VASH2: variants seen among roughly 807,000 people sequenced by gnomAD.
The protein encoded by VASH2 is tubulinyl-Tyr carboxypeptidase 2.
A neutral mutation model predicts 37.2 loss-of-function variants in VASH2; 28 were observed. That is an observed-to-expected ratio of 0.75 (90% CI 0.56 to 1.03). The LOEUF (loss-of-function observed/expected upper bound fraction) is 1.03. VASH2 is among the 50% of genes least tolerant of loss of function. The pLI, the probability that VASH2 is intolerant of heterozygous loss-of-function variation, is 0.00. For missense variants in VASH2, 419 were observed against 459.1 expected (o/e 0.91, Z 0.80); for synonymous variants, 188 against 174.7 (o/e 1.08, Z -0.60).
chr1:212,973,350 C>T (rs1667068294), intron 6 of VASH2: 1 of 1,263,688 alleles, frequency 7.9e-7, no homozygotes, highest in Non-Finnish European at 1.0e-6. Context: ...ATAGACTATA[C>T]TCATACGTCC....
Position 212,974,053 on chromosome 1 carries a change from C to G in VASH2, c.978C>G (p.Leu326=), listed in dbSNP as rs569261376. The G allele has an allele frequency of 1.9e-6, 3 of 1,613,062 alleles. No homozygotes were observed. Among genetic ancestry groups the G allele is most frequent in the Non-Finnish European group, 2.5e-6 (3 of 1,179,442 alleles). Residue 326 remains leucine, a synonymous_variant, in exon 7 of 8, where the codon CTC becomes CTG. Coordinates refer to ENST00000517399, the MANE Select transcript of VASH2 (RefSeq NM_001301056.2). ...GACAGGCAAGCCCCCCGAGGAGGCT[C>G]GGCCGGCGAGAGAAGTCGTGAGTAA... The part of the protein sequence containing the change: ...RRRQASPPRR[L]GRREKSPALP...
chr1:212,975,131 T>C (rs957397492), intron 7 of VASH2, among the ~76,000 whole-genome samples: 1 of 151,790 alleles, frequency 6.6e-6, no homozygotes, highest in African/African-American at 2.4e-5. Context: ...TGTAGTAAGT[T>C]CTGTAGCTGG....
chr1:212,966,825 T>G, intron 5 of VASH2: 1 of 343,288 alleles, frequency 2.9e-6, no homozygotes. Flanking sequence ...CCTCCCAGGC[T>G]CAAGTGACCT....
At chr1:212,963,315 C>T (rs1023655885) in intron 3 of VASH2, among the ~76,000 whole-genome samples, 1 of 152,188 alleles carries the variant, frequency 6.6e-6, no homozygotes, top group African/African-American at 2.4e-5. Context: ...GCTGCGGGGA[C>T]CTGCTCCCAG....
intron 5 of VASH2, among the ~76,000 whole-genome samples, chr1:212,969,634 C>T (rs1169212705): frequency 6.6e-6 from 1 of 152,234 alleles, no homozygotes; most frequent in Non-Finnish European, 1.5e-5. Context: ...CTCCTGACCT[C>T]AGGTGATCTG....
chr1:212,957,617 CTTTT>C (rs1056304168), intron 2 of VASH2, among the ~76,000 whole-genome samples: 6 of 137,428 alleles, frequency 4.4e-5, no homozygotes, highest in Non-Finnish European at 6.2e-5. Flanking sequence ...ACAGCTTACA[CTTTT>C]TTTTTTTTTT....
chr1:212,970,961 C>T (rs368450646), intron 5 of VASH2, among the ~76,000 whole-genome samples: 37 of 152,188 alleles, frequency 2.4e-4, no homozygotes, highest in African/African-American at 7.7e-4. Context: ...AAAGTACTCC[C>T]CATTTCCCCC....
intron 2 of VASH2, chr1:212,952,537 G>C (rs1480897109): frequency 1.3e-5 from 2 of 152,348 alleles, no homozygotes; most frequent in East Asian, 3.8e-4. Context: ...AGGATGAGGA[G>C]TGAAACTCTC....
In VASH2 at chr1:212,967,083, C is replaced by A. The variant is rs912771277; in HGVS notation, c.497+738C>A. Reference sequence around the variant, plus strand: ...TCTAAGAGTGGCGTGTGGAGGAGACCAAGCAGTGGTGGTGTATCCTGACTT... The same window carrying A: ...TCTAAGAGTGGCGTGTGGAGGAGACAAAGCAGTGGTGGTGTATCCTGACTT... On this transcript the variant is annotated intron_variant, in intron 5 of 7. Coordinates refer to ENST00000517399, the MANE Select transcript of VASH2 (RefSeq NM_001301056.2). The A allele has an allele frequency of 2.3e-6, 3 of 1,303,418 alleles. No individual in the cohort carries two copies. In the African/African-American group the frequency reaches 4.6e-5, roughly 20 times the overall value. The allele number at this position is 1,303,418 out of a possible 1,614,324, so 80.7% of individuals were successfully genotyped here.
chr1:212,966,346 G>C lies in VASH2; in HGVS notation c.497+1G>C. ...GCCTTGAAGCTGTCATCCTGGGCAT[G>C]TATCCTTTAAGTTATGTATGCTTAG... is the stretch of plus-strand genomic sequence containing the variant. On this transcript the variant is annotated splice_donor_variant, in intron 5 of 7. Transcript: ENST00000517399. LOFTEE classifies it high-confidence loss of function. The C allele has an allele frequency of 6.4e-7, 1 of 1,551,464 alleles. No homozygotes were observed. Among genetic ancestry groups the C allele is most frequent in the Non-Finnish European group, 8.7e-7 (1 of 1,146,772 alleles).
intron 7 of VASH2, among the ~76,000 whole-genome samples, chr1:212,982,833 C>T (rs182414132): frequency 9.7e-4 from 148 of 152,278 alleles, no homozygotes; most frequent in African/African-American, 2.6e-3. Flanking sequence ...GGTGGGGATA[C>T]AGAAGAAGAA....
intron 7 of VASH2, among the ~76,000 whole-genome samples, chr1:212,987,412 C>T (rs932561922): frequency 1.3e-5 from 2 of 151,836 alleles, no homozygotes; most frequent in African/African-American, 4.8e-5. Flanking sequence ...CCCATGTCTA[C>T]AAAAATACAA....
At chr1:212,977,111 T>C (rs1035922621) in intron 7 of VASH2, among the ~76,000 whole-genome samples, 6 of 151,826 alleles carry the variant, frequency 4.0e-5, no homozygotes, top group African/African-American at 1.2e-4. Flanking sequence ...AGAGAGGCAG[T>C]GTTGAGAGGG....
At chr1:212,969,372 A>C in intron 5 of VASH2, 1 of 183,430 alleles carries the variant, frequency 5.5e-6, no homozygotes, top group Non-Finnish European at 1.0e-5. Context: ...ATTTTTTTGT[A>C]TTTTTAGTAG....
At chr1:212,962,356 C>T (rs944666489) in intron 3 of VASH2, among the ~76,000 whole-genome samples, 4 of 152,106 alleles carry the variant, frequency 2.6e-5, no homozygotes, top group East Asian at 1.9e-4. Context: ...TTCTGTGGAC[C>T]GCTATCCTTC....
Position 212,979,162 on chromosome 1 carries a change from G to A in VASH2, c.995+5092G>A, listed in dbSNP as rs116568970. On this transcript the variant is annotated intron_variant, in intron 7 of 7. Coordinates refer to ENST00000517399, the MANE Select transcript of VASH2 (RefSeq NM_001301056.2). ...GCCATTCTGCCACACTAGAACTCAG[G>A]ACAGCTGTGTTCCTGGAGGTATGTT... is the stretch of plus-strand genomic sequence containing the variant. Among the ~76,000 whole-genome samples, 1,505 of 152,288 alleles carry A rather than the reference G, an allele frequency of 9.9e-3. 19 individuals carry two copies. Among genetic ancestry groups the A allele is most frequent in the African/African-American group, 0.033 (1,381 of 41,542 alleles).
intron 7 of VASH2, among the ~76,000 whole-genome samples, chr1:212,978,610 G>A (rs1163009544): frequency 2.0e-5 from 3 of 152,178 alleles, no homozygotes; most frequent in African/African-American, 7.2e-5. Flanking sequence ...CCTGACTCAC[G>A]CCCCTGCCCT....
In VASH2 at chr1:212,990,544, A is replaced by T. The variant is rs1192729433; in HGVS notation, c.*1960A>T. On this transcript the variant is annotated 3_prime_UTR_variant, in exon 8 of 8. Transcript: ENST00000517399. ...ACACTGCAACCATTCTAAGAGTTGG[A>T]ATTTATTTTTGCCAAGTATTAAGTA... The T allele has an allele frequency of 1.3e-5, 2 of 152,182 alleles. No individual in the cohort carries two copies. Among genetic ancestry groups the T allele is most frequent in the Admixed American group, 6.5e-5 (1 of 15,270 alleles). 9.4% of individuals were successfully genotyped at this position (152,182 alleles called of 1,614,324 possible). A position where few individuals can be genotyped will look rare whatever the true frequency, so the allele number is the denominator to read the frequency against.
intron 7 of VASH2, among the ~76,000 whole-genome samples, chr1:212,975,227 A>G: frequency 6.6e-6 from 1 of 152,214 alleles, no homozygotes; most frequent in Non-Finnish European, 1.5e-5. Flanking sequence ...TTTCGGAAGA[A>G]CAGGACAGGA....
Sources: gnomAD v4.1 joint callset for allele counts (sites outside exome capture counted in the v4.1 genomes callset) on GRCh38, gnomAD v4.1.1 for gene constraint, MANE v1.5 for transcripts, NCBI Gene and HGNC (gene_info 2026-07-23, HGNC 2026-07-21) for gene names.